UBE2W: variants seen among roughly 807,000 people sequenced by gnomAD.
UBE2W encodes the protein ubiquitin-conjugating enzyme E2 W.
A neutral mutation model predicts 27.2 loss-of-function variants in UBE2W; 18 were observed. The observed-to-expected ratio is 0.66, with a 90% CI of 0.46 to 0.98. The LOEUF (loss-of-function observed/expected upper bound fraction) is 0.98, where lower values mean the gene tolerates loss of function less well. Ranked by LOEUF, UBE2W falls within the 50% of genes least tolerant of loss-of-function variation. The pLI is 0.00. For synonymous variants in UBE2W, 53 were observed against 57.2 expected (o/e 0.93, Z 0.33); for missense variants, 90 against 180.2 (o/e 0.50, Z 2.87).
downstream of UBE2W, among the ~76,000 whole-genome samples, chr8:73,783,890 T>C (rs1213430938): frequency 2.0e-5 from 3 of 152,146 alleles, no homozygotes; most frequent in African/African-American, 7.2e-5. Flanking sequence ...GCCTCCCAAG[T>C]AGCTGGGATT....
chr8:73,843,779 C>A (rs1810644879), intron 1 of UBE2W, among the ~76,000 whole-genome samples: 5 of 121,246 alleles, frequency 4.1e-5, no homozygotes, highest in Admixed American at 8.4e-5. Context: ...GTAGAGACAC[C>A]AAAAAAAAAA....
intron 1 of UBE2W, among the ~76,000 whole-genome samples, chr8:73,847,902 CA>C (rs1296173428): frequency 2.8e-5 from 4 of 141,464 alleles, no homozygotes; most frequent in Admixed American, 2.1e-4. Flanking sequence ...AACTCTGTCT[CA>C]AAAAAAAAAT....
intron 3 of UBE2W, among the ~76,000 whole-genome samples, chr8:73,817,682 T>G (rs1016041224): frequency 6.6e-6 from 1 of 152,158 alleles, no homozygotes; most frequent in Non-Finnish European, 1.5e-5. Context: ...CATGCCCAGC[T>G]AATTTTTGCA....
chr8:73,832,768 A>G (rs772578722), intron 1 of UBE2W, among the ~76,000 whole-genome samples: 7 of 152,222 alleles, frequency 4.6e-5, no homozygotes, highest in African/African-American at 1.7e-4. Context: ...GCTACTTAAA[A>G]TGTTTCAGAT....
intron 1 of UBE2W, among the ~76,000 whole-genome samples, chr8:73,869,248 A>T (rs1811899200): frequency 6.6e-6 from 1 of 152,304 alleles, no homozygotes; most frequent in East Asian, 1.9e-4. Flanking sequence ...CAACACAGTG[A>T]ATCTGTCTAT....
intron 1 of UBE2W, among the ~76,000 whole-genome samples, chr8:73,865,620 CA>C (rs1811721415): frequency 6.6e-6 from 1 of 152,024 alleles, no homozygotes; most frequent in African/African-American, 2.4e-5. Flanking sequence ...TCAAAACGAA[CA>C]AAAAATATGC....
chr8:73,858,868 G>A (rs1354823446), intron 1 of UBE2W, among the ~76,000 whole-genome samples: 5 of 131,154 alleles, frequency 3.8e-5, no homozygotes, highest in Admixed American at 2.6e-4. Flanking sequence ...CATTAGGGGG[G>A]TTTTTGCGTG....
intron 1 of UBE2W, among the ~76,000 whole-genome samples, chr8:73,839,550 G>A (rs890264805): frequency 4.6e-5 from 7 of 151,210 alleles, no homozygotes; most frequent in Non-Finnish European, 1.0e-4. Flanking sequence ...TCTGCTACTC[G>A]GGAGGCTGAG....
intron 5 of UBE2W, among the ~76,000 whole-genome samples, 192 bp downstream of exon 5, chr8:73,805,459 A>AAAAAACAAAAAACAAAC (rs1808842131): frequency 7.4e-6 from 1 of 134,512 alleles, no homozygotes; most frequent in Non-Finnish European, 1.6e-5. Flanking sequence ...CATCTCAAAA[A>AAAAAACAAAAAACAAAC]AAAAAAAAAA....
intron 1 of UBE2W, chr8:73,831,251 T>A (rs753723851): frequency 5.9e-5 from 18 of 303,366 alleles, no homozygotes; most frequent in South Asian, 1.5e-4. Context: ...GGAAATTTTT[T>A]AAAAAGATAT....
Position 73,798,058 on chromosome 8 carries a change from C to T in UBE2W, c.443-3943G>A, listed in dbSNP as rs112943482. 3.8e-3 allele frequency among the ~76,000 whole-genome samples: 578 copies of T among 152,210 alleles called. 3 individuals carry two copies. The highest frequency in any genetic ancestry group is 0.012 in the African/African-American group (498 of 41,522). On this transcript the variant is annotated intron_variant, in intron 5 of 5. Transcript: ENST00000602593. ...ATCCCAGCACTTTGGGAGGCTGAGG[C>T]GGGCAGATTGCTTGAGTCCAGGAAT...
chr8:73,869,257 A>G (rs1304600606), intron 1 of UBE2W, among the ~76,000 whole-genome samples: 1 of 152,174 alleles, frequency 6.6e-6, no homozygotes, highest in East Asian at 1.9e-4. Context: ...GAATCTGTCT[A>G]TATAAAAGCT....
At chr8:73,875,713 T>G (rs1048294584) in intron 1 of UBE2W, among the ~76,000 whole-genome samples, 1 of 152,196 alleles carries the variant, frequency 6.6e-6, no homozygotes, top group South Asian at 2.1e-4. Context: ...TTTCCTAGTC[T>G]TCTTCCATGC....
At chr8:73,850,886 G>A (rs190160690) in intron 1 of UBE2W, among the ~76,000 whole-genome samples, 43 of 151,800 alleles carry the variant, frequency 2.8e-4, no homozygotes, top group Admixed American at 2.8e-3. Context: ...TTGAGACAGG[G>A]TCTCACTCTG....
chr8:73,846,171 T>C (rs751774031), intron 1 of UBE2W, among the ~76,000 whole-genome samples: 1 of 152,026 alleles, frequency 6.6e-6, no homozygotes, highest in African/African-American at 2.4e-5. Context: ...GTAGATCACC[T>C]GAGGTCAGGA....
intron 3 of UBE2W, among the ~76,000 whole-genome samples, chr8:73,820,893 G>T (rs188489181): frequency 1.2e-3 from 181 of 152,282 alleles, no homozygotes; most frequent in African/African-American, 3.9e-3. Flanking sequence ...GGAGGCTGCA[G>T]TGAGCTATGA....
intron 1 of UBE2W, among the ~76,000 whole-genome samples, chr8:73,866,288 AAAATATAT>A (rs1243099836): frequency 2.9e-3 from 234 of 80,296 alleles, no homozygotes; most frequent in African/African-American, 0.012. Context: ...AAAAAAAAAA[AAAATATAT>A]ATATATATAT....
intron 3 of UBE2W, among the ~76,000 whole-genome samples, chr8:73,814,543 G>C (rs1563586094): frequency 1.3e-5 from 2 of 151,796 alleles, no homozygotes. Flanking sequence ...TTTTGAGATG[G>C]AGTCTCGCAC....
chr8:73,866,942 T>A (rs796511311), intron 1 of UBE2W, among the ~76,000 whole-genome samples: 22 of 150,554 alleles, frequency 1.5e-4, no homozygotes, highest in African/African-American at 5.4e-4. Context: ...GAGGCAGAGG[T>A]TGCAGTGAGC....
Sources: allele counts gnomAD v4.1 joint callset (sites outside exome capture counted in the v4.1 genomes callset), GRCh38; gene constraint gnomAD v4.1.1; transcripts MANE v1.5; gene names NCBI Gene and HGNC (gene_info 2026-07-23, HGNC 2026-07-21).